The following NRXN1 variants were observed in gnomAD, a reference collection of about 807,000 sequenced individuals.
The protein encoded by NRXN1 is neurexin 1.
NRXN1 carries 39 observed loss-of-function variants against 150.9 expected under a neutral mutation model. The observed-to-expected ratio is 0.26, with a 90% confidence interval of 0.20 to 0.34. The LOEUF (loss-of-function observed/expected upper bound fraction) is 0.34, where lower values mean the gene tolerates loss of function less well. Among genes scored for constraint, NRXN1 ranks in the 10% least tolerant of loss-of-function variants. NRXN1 has a pLI of 1.00. For synonymous variants in NRXN1, 924 were observed against 757.0 expected, an observed-to-expected ratio of 1.22 and a Z score of -3.62; for missense variants, 1,815 against 1,949.9, an observed-to-expected ratio of 0.93 and a Z score of 1.30.
intron 5 of NRXN1, among the ~76,000 whole-genome samples, chr2:50,718,013 T>A (rs1696091591): frequency 6.6e-6 from 1 of 152,204 alleles, no homozygotes; most frequent in South Asian, 2.1e-4. Context: ...ACAGTTTATA[T>A]GCCCACTGTT....
At chr2:50,941,281 T>C (rs1382650164) in intron 2 of NRXN1, among the ~76,000 whole-genome samples, 1 of 152,136 alleles carries the variant, frequency 6.6e-6, no homozygotes, top group African/African-American at 2.4e-5. Context: ...AACAGACTAA[T>C]ACAGAAAATT....
intron 17 of NRXN1, among the ~76,000 whole-genome samples, chr2:50,282,633 A>C (rs1160625771): frequency 6.6e-6 from 1 of 152,102 alleles, no homozygotes; most frequent in Admixed American, 6.6e-5. Context: ...GTTTGACATA[A>C]ATGGTATAGT....
At position 50,552,810 on chromosome 2, in the gene NRXN1, C is replaced by A; in HGVS notation, c.1536G>T (p.Glu512Asp). Residue 512 changes from glutamate (E) to aspartate (D), a missense_variant, in exon 9 of 23, where the codon GAG (glutamate) becomes GAT (aspartate). Physicochemically the swap from Glu to Asp is conservative, Grantham distance 45. Coordinates refer to ENST00000401669, the MANE Select transcript of NRXN1 (RefSeq NM_001330078.2). The part of the protein sequence containing the change: ...GSISFDFRTT[E>D]PNGLILFSHG... ...GGCTAAATAAGATGAGGCCATTTGG[C>A]TCTGTTGTACGGAAATCAAATGATA... 6.2e-7 allele frequency: 1 copy of A among 1,613,898 alleles called. No individual in the cohort carries two copies.
intron 4 of NRXN1, among the ~76,000 whole-genome samples, chr2:50,922,311 A>G (rs1027284801): frequency 1.3e-5 from 2 of 151,864 alleles, no homozygotes; most frequent in East Asian, 3.9e-4. Flanking sequence ...ATCTTCTTTC[A>G]GACAGCAACT....
chr2:50,538,547 C>A lies in NRXN1; in HGVS notation c.1849G>T (p.Gly617Trp). The change falls in exon 10 of 23, where the codon GGG becomes TGG. Residue 617 changes from glycine to tryptophan, a missense_variant. Coordinates refer to ENST00000401669, the MANE Select transcript of NRXN1 (RefSeq NM_001330078.2). ...LDLDDELYLG[G>W]LPENKAGLVF... ...AGGCCAGCTTTATTTTCTGGCAGCC[C>A]CCCCAGGTACAACTCATCATCCAGG... 1.9e-6 allele frequency: 3 copies of A among 1,583,396 alleles called. No homozygotes were observed. Among genetic ancestry groups the A allele is most frequent in the Non-Finnish European group, 2.6e-6 (3 of 1,162,948 alleles).
intron 5 of NRXN1, among the ~76,000 whole-genome samples, chr2:50,705,356 C>T (rs1694291571): frequency 6.6e-6 from 1 of 152,016 alleles, no homozygotes; most frequent in Non-Finnish European, 1.5e-5. Context: ...CTGAATCAGA[C>T]TGATGGTATC....
chr2:50,782,297 C>T (rs936448992), intron 5 of NRXN1, among the ~76,000 whole-genome samples: 8 of 152,004 alleles, frequency 5.3e-5, no homozygotes, highest in Admixed American at 3.9e-4. Context: ...GGTGAAATCC[C>T]ATCTCTACTA....
At chr2:50,455,210 T>C (rs918010720) in intron 17 of NRXN1, among the ~76,000 whole-genome samples, 8 of 152,100 alleles carry the variant, frequency 5.3e-5, no homozygotes, top group African/African-American at 1.9e-4. Flanking sequence ...CAAAACCTAC[T>C]GACAACATTA....
rs1205248124 is a variant in NRXN1, at chr2:50,497,255, C to CT, written c.2879+77dup. 8.7e-6 allele frequency: 10 copies of CT among 1,150,966 alleles called. No homozygotes were observed. The African/African-American group carries it at 1.5e-4, about 18-fold the overall frequency. 71.3% of individuals were successfully genotyped at this position (1,150,966 alleles called of 1,614,324 possible). A position where few individuals can be genotyped will look rare whatever the true frequency, so the allele number is the denominator to read the frequency against. On this transcript the variant is annotated intron_variant, in intron 14 of 22. Transcript: ENST00000401669. The stretch of plus-strand genomic sequence containing the variant: ...CCACCTTATGAGCCAGTATGTTCTT[C>CT]TTAGTGTATATTTTTGGAAATTGAC...
intron 18 of NRXN1, among the ~76,000 whole-genome samples, chr2:50,111,986 A>C (rs1702436374): frequency 6.6e-6 from 1 of 152,020 alleles, no homozygotes; most frequent in Non-Finnish European, 1.5e-5. Context: ...ATGTTTCTTA[A>C]TTAGGGCACC....
intron 15 of NRXN1, among the ~76,000 whole-genome samples, chr2:50,478,831 T>A (rs1203568547): frequency 2.0e-5 from 3 of 152,218 alleles, no homozygotes; most frequent in Non-Finnish European, 4.4e-5. Context: ...TTATTTTATA[T>A]CTCACACCTT....
At chr2:50,882,313 C>T (rs1185198240) in intron 5 of NRXN1, among the ~76,000 whole-genome samples, 1 of 151,856 alleles carries the variant, frequency 6.6e-6, no homozygotes, top group African/African-American at 2.4e-5. Flanking sequence ...TCCAACATTT[C>T]CTCTGGTTTA....
chr2:50,303,840 T>A (rs1180295124), intron 17 of NRXN1, among the ~76,000 whole-genome samples: 2 of 152,252 alleles, frequency 1.3e-5, no homozygotes, highest in East Asian at 3.9e-4. Context: ...TAGTTCAGCA[T>A]AATTAATAAC....
chr2:50,283,156 A>G (rs1164428137), intron 17 of NRXN1, among the ~76,000 whole-genome samples: 2 of 152,204 alleles, frequency 1.3e-5, no homozygotes, highest in Non-Finnish European at 2.9e-5. Context: ...AATATAAAAA[A>G]GTATTACCAA....
intron 18 of NRXN1, chr2:50,199,382 T>C (rs1039100260): frequency 6.6e-6 from 1 of 152,064 alleles, no homozygotes; most frequent in Non-Finnish European, 1.5e-5. Context: ...AAATATACTG[T>C]TTTTGGAACT....
intron 16 of NRXN1, among the ~76,000 whole-genome samples, chr2:50,471,373 T>A (rs1034942375): frequency 6.6e-6 from 1 of 151,848 alleles, no homozygotes; most frequent in African/African-American, 2.4e-5. Flanking sequence ...TTTCCATTCC[T>A]GAGTCACTTC....
At chr2:50,225,180 T>C (rs552283245) in intron 18 of NRXN1, among the ~76,000 whole-genome samples, 12 of 151,924 alleles carry the variant, frequency 7.9e-5, no homozygotes, top group Non-Finnish European at 1.3e-4. Context: ...CTGTACCTCA[T>C]ACTATGCTCC....
intron 5 of NRXN1, among the ~76,000 whole-genome samples, chr2:50,886,384 C>T (rs570374870): frequency 6.6e-6 from 1 of 151,392 alleles, no homozygotes; most frequent in South Asian, 2.1e-4. Context: ...TGGAAAAACA[C>T]GTGATCCCAA....
At chr2:50,793,251 A>T (rs532528647) in intron 5 of NRXN1, among the ~76,000 whole-genome samples, 2 of 152,136 alleles carry the variant, frequency 1.3e-5, no homozygotes, top group Non-Finnish European at 2.9e-5. Context: ...TAATGGTATA[A>T]GTAAAACTGC....
Sources: allele counts gnomAD v4.1 joint callset (sites outside exome capture counted in the v4.1 genomes callset), GRCh38; gene constraint gnomAD v4.1.1; transcripts MANE v1.5; gene names NCBI Gene and HGNC (gene_info 2026-07-23, HGNC 2026-07-21).